Variants in PIGH observed in about 807,000 individuals in gnomAD.
The protein encoded by PIGH is phosphatidylinositol N-acetylglucosaminyltransferase subunit H.
A neutral mutation model predicts 20.1 loss-of-function variants in PIGH; 11 were observed. The ratio of observed to expected loss-of-function variants is 0.55; its 90% CI spans 0.34 to 0.91. The LOEUF (loss-of-function observed/expected upper bound fraction) is 0.91. PIGH is among the 40% of genes least tolerant of loss of function. PIGH has a pLI of 0.02. For synonymous variants in PIGH, 72 were observed against 93.1 expected, an observed-to-expected ratio of 0.77 and a Z score of 1.31; for missense variants, 189 against 233.6, an observed-to-expected ratio of 0.81 and a Z score of 1.24.
chr14:67,592,292 T>C, intron 3 of PIGH: 1 of 411,084 alleles, frequency 2.4e-6, no homozygotes, highest in Non-Finnish European at 4.7e-6. Context: ...AAAAAAAAAT[T>C]AGCCAGGCGA....
chr14:67,597,226 C>T (rs1415965249), intron 1 of PIGH, among the ~76,000 whole-genome samples: 1 of 152,184 alleles, frequency 6.6e-6, no homozygotes, highest in African/African-American at 2.4e-5. Flanking sequence ...GCCTATAATC[C>T]CAACACTTTG....
In PIGH at chr14:67,600,115, C is replaced by T. The variant is rs963242460; in HGVS notation, c.89G>A (p.Cys30Tyr). 4.4e-6 allele frequency: 7 copies of T among 1,597,778 alleles called. No individual in the cohort carries two copies. The East Asian group carries it at 6.8e-5, about 16-fold the overall frequency. Reference protein sequence around the residue: ...RYYSPSCREFCLSCPRLSLRS... With the variant: ...RYYSPSCREFYLSCPRLSLRS... ...CAGCGAGAGCCGAGGGCAGCTGAGGCAGAATTCCCGGCAGGACGGGGAGTA... is the reference window on the plus strand; with the variant it reads ...CAGCGAGAGCCGAGGGCAGCTGAGGTAGAATTCCCGGCAGGACGGGGAGTA... Residue 30 changes from cysteine (C) to tyrosine (Y), a missense_variant, in exon 1 of 4, where the codon TGC (cysteine) becomes TAC (tyrosine). Cys to Tyr is a radical substitution (Grantham distance 194). Coordinates refer to ENST00000216452, the MANE Select transcript of PIGH (RefSeq NM_004569.5).
Position 67,596,165 on chromosome 14 carries a change from G to A in PIGH, c.181-2213C>T, listed in dbSNP as rs541496709. Among the ~76,000 whole-genome samples, 229 of 151,922 alleles carry A rather than the reference G, an allele frequency of 1.5e-3. 1 individual carries two copies. Among genetic ancestry groups the A allele is most frequent in the African/African-American group, 4.7e-3 (196 of 41,396 alleles). ...ATTGATTCGAGACAGAATTTCACTC[G>A]TTTCCCTGGCTGGAGTGCAATGGTG... On this transcript the variant is annotated intron_variant, in intron 1 of 3. Coordinates refer to ENST00000216452, the MANE Select transcript of PIGH (RefSeq NM_004569.5).
At chr14:67,594,371 G>A (rs763695482) in intron 1 of PIGH, among the ~76,000 whole-genome samples, 10 of 152,138 alleles carry the variant, frequency 6.6e-5, no homozygotes, top group Non-Finnish European at 1.3e-4. Flanking sequence ...GGACCCAGCC[G>A]AGTGAGGTGG....
At chr14:67,592,301 G>A (rs550985074) in intron 3 of PIGH, 8 of 427,484 alleles carry the variant, frequency 1.9e-5, no homozygotes, top group East Asian at 6.8e-5. Context: ...TTAGCCAGGC[G>A]AGATGGTGCA....
At chr14:67,593,281 G>C (rs1363153090) in intron 2 of PIGH, 1 of 178,646 alleles carries the variant, frequency 5.6e-6, no homozygotes. Flanking sequence ...CTTGAGCCCA[G>C]GAATTCAAGA....
At chr14:67,593,490 CAA>C (rs5809356) in intron 2 of PIGH, 33,053 of 312,654 alleles carry the variant, frequency 0.11, no homozygotes, top group South Asian at 0.15. Context: ...GACCCTGTCT[CAA>C]AAAAAAAAAA....
intron 2 of PIGH, 52 bp downstream of exon 2, chr14:67,593,691 G>T (rs1372008820): frequency 2.9e-6 from 3 of 1,043,568 alleles, no homozygotes; most frequent in Non-Finnish European, 3.0e-6. Context: ...CATCCCATGG[G>T]CTGGCTACCT....
chr14:67,592,614 G>C, intron 3 of PIGH, 21 bp downstream of exon 3: 1 of 1,464,266 alleles, frequency 6.8e-7, no homozygotes, highest in Non-Finnish European at 9.6e-7. Context: ...TTGGAGAATG[G>C]TAAAAGTATT....
In PIGH at chr14:67,600,194, C is replaced by G. The variant is rs1367217838; in HGVS notation, c.10G>C (p.Glu4Gln). The G allele has an allele frequency of 1.3e-6, 2 of 1,578,806 alleles. No individual in the cohort carries two copies. The highest frequency in any genetic ancestry group is 2.3e-5 in the South Asian group (2 of 87,084). The change falls in exon 1 of 4, where the codon GAG becomes CAG. Residue 4 changes from glutamate (E) to glutamine (Q), a missense_variant. Physicochemically the swap from Glu to Gln is conservative, Grantham distance 29. Transcript: ENST00000216452. ...CCGCAGATATCCGAAAAGCTCCGCT[C>G]ATCCTCCATGACGCCCCCACTCGGC... MED[E>Q]RSFSDICGGR...
Position 67,589,951 on chromosome 14 carries a change from A to C in PIGH, c.*129T>G, listed in dbSNP as rs999233697. The C allele has an allele frequency of 1.5e-6, 2 of 1,354,082 alleles. No individual in the cohort carries two copies. Among genetic ancestry groups the C allele is most frequent in the South Asian group, 4.1e-5 (2 of 49,366 alleles). The allele number at this position is 1,354,082 out of a possible 1,614,324, so 83.9% of individuals were successfully genotyped here. A position where few individuals can be genotyped will look rare whatever the true frequency, so the allele number is the denominator to read the frequency against. ...TCCAGTCACCTGCTCTATGGCTCTAAGATGCACTACATCCATAATGGTTCC... is the reference window on the plus strand; with the variant it reads ...TCCAGTCACCTGCTCTATGGCTCTACGATGCACTACATCCATAATGGTTCC... On this transcript the variant is annotated 3_prime_UTR_variant, in exon 4 of 4. Coordinates refer to ENST00000216452, the MANE Select transcript of PIGH (RefSeq NM_004569.5).
At position 67,600,260 on chromosome 14, in the gene PIGH, G is replaced by C; in HGVS notation, c.-57C>G. On this transcript the variant is annotated 5_prime_UTR_variant, in exon 1 of 4. Transcript: ENST00000216452. ...GCGCTGCACTGCGCTCGCCGGCCCTGGCCGTCTCGCCCGCTCCAGACCCGC... is the reference window on the plus strand; with the variant it reads ...GCGCTGCACTGCGCTCGCCGGCCCTCGCCGTCTCGCCCGCTCCAGACCCGC... The C allele has an allele frequency of 1.1e-5, 15 of 1,414,842 alleles. No homozygotes were observed. Among genetic ancestry groups the C allele is most frequent in the Non-Finnish European group, 1.3e-5 (14 of 1,069,054 alleles). The allele number at this position is 1,414,842 out of a possible 1,614,324, so 87.6% of individuals were successfully genotyped here.
intron 1 of PIGH, among the ~76,000 whole-genome samples, chr14:67,597,205 T>A (rs561386275): frequency 1.1e-4 from 16 of 152,332 alleles, no homozygotes; most frequent in African/African-American, 3.8e-4. Context: ...GGGCCAGGCA[T>A]GGTGGCTCAT....
In PIGH at chr14:67,589,830, T is replaced by C; in HGVS notation, c.*250A>G. ...TTTGCTGACATTACTTTTGACATAC[T>C]GTGTCAAAATTCTTAAGGTCTCCCC... On this transcript the variant is annotated 3_prime_UTR_variant, in exon 4 of 4. Transcript: ENST00000216452. The C allele has an allele frequency of 1.7e-6, 2 of 1,184,712 alleles. No homozygotes were observed. The highest frequency in any genetic ancestry group is 2.1e-6 in the Non-Finnish European group (2 of 958,530). 73.4% of individuals were successfully genotyped at this position (1,184,712 alleles called of 1,614,324 possible).
intron 3 of PIGH, among the ~76,000 whole-genome samples, chr14:67,590,506 G>T (rs1417479489): frequency 6.6e-6 from 1 of 152,006 alleles, no homozygotes; most frequent in East Asian, 1.9e-4. Flanking sequence ...CTACAGGCAC[G>T]AACCACCATG....
In PIGH at chr14:67,600,247, G is replaced by C. The variant is rs1399365738; in HGVS notation, c.-44C>G. The C allele has an allele frequency of 2.0e-6, 3 of 1,483,092 alleles. No homozygotes were observed. Among genetic ancestry groups the C allele is most frequent in the Admixed American group, 2.2e-5 (1 of 44,816 alleles). The allele number at this position is 1,483,092 out of a possible 1,614,324, so 91.9% of individuals were successfully genotyped here. Reference sequence around the variant, plus strand: ...CCCGCACCGCGCGGCGCTGCACTGCGCTCGCCGGCCCTGGCCGTCTCGCCC... The same window carrying C: ...CCCGCACCGCGCGGCGCTGCACTGCCCTCGCCGGCCCTGGCCGTCTCGCCC... On this transcript the variant is annotated 5_prime_UTR_variant, in exon 1 of 4. Coordinates refer to ENST00000216452, the MANE Select transcript of PIGH (RefSeq NM_004569.5).
At position 67,590,052 on chromosome 14, in the gene PIGH, A is replaced by T. The variant is rs777857618; in HGVS notation, c.*28T>A. The T allele has an allele frequency of 1.3e-6, 2 of 1,542,342 alleles. No homozygotes were observed. Among genetic ancestry groups the T allele is most frequent in the Admixed American group, 4.1e-5 (2 of 49,016 alleles). On this transcript the variant is annotated 3_prime_UTR_variant, in exon 4 of 4. Transcript: ENST00000216452. ...GCTTAAGAGTCATCTCCCATGGAAG[A>T]CAATGCTGGCCTTCTGAACGCTGGG... is the stretch of plus-strand genomic sequence containing the variant.
chr14:67,593,590 C>T, intron 2 of PIGH, 153 bp downstream of exon 2: 2 of 586,600 alleles, frequency 3.4e-6, no homozygotes, highest in Non-Finnish European at 6.1e-6. Flanking sequence ...AATTCCCTAT[C>T]CATGAAAACC....
chr14:67,592,752 G>A (rs769448851), intron 2 of PIGH, 34 bp from the exon 3 acceptor site: 14 of 1,238,646 alleles, frequency 1.1e-5, no homozygotes, highest in Non-Finnish European at 1.4e-5. Context: ...CAAAGTCTAA[G>A]TGAAACTCAT....
Sources: gnomAD v4.1 joint callset for allele counts (sites outside exome capture counted in the v4.1 genomes callset) on GRCh38, gnomAD v4.1.1 for gene constraint, MANE v1.5 for transcripts, NCBI Gene and HGNC (gene_info 2026-07-23, HGNC 2026-07-21) for gene names.